The following NXPE2 variants were observed in gnomAD, a reference collection of about 807,000 sequenced individuals.
The protein encoded by NXPE2 is neurexophilin and PC-esterase domain family member 2.
A neutral mutation model predicts 34.4 loss-of-function variants in NXPE2; 34 were observed. The observed-to-expected ratio is 0.99, with a 90% CI of 0.75 to 1.31. The LOEUF (loss-of-function observed/expected upper bound fraction) is 1.31. Among genes scored for constraint, NXPE2 ranks in the 40% most tolerant of loss-of-function variants. The pLI, the probability that NXPE2 is intolerant of heterozygous loss-of-function variation, is 0.00. For missense variants in NXPE2, 649 were observed against 672.5 expected, an observed-to-expected ratio of 0.97 and a Z score of 0.39; for synonymous variants, 235 against 231.3, an observed-to-expected ratio of 1.02 and a Z score of -0.15.
chr11:114,711,786 A>G (rs530162578), downstream of NXPE2, among the ~76,000 whole-genome samples: 1 of 152,306 alleles, frequency 6.6e-6, no homozygotes, highest in African/African-American at 2.4e-5. Flanking sequence ...GATGTTGAGT[A>G]GCCTAAATAA....
At chr11:114,697,308 C>T (rs1238983557) in intron 2 of NXPE2, among the ~76,000 whole-genome samples, 2 of 152,048 alleles carry the variant, frequency 1.3e-5, no homozygotes, top group African/African-American at 4.8e-5. Flanking sequence ...AAAATGGAGG[C>T]AGAGATTGAA....
chr11:114,708,034 T>C (rs918146442), downstream of NXPE2, among the ~76,000 whole-genome samples: 1 of 152,232 alleles, frequency 6.6e-6, no homozygotes, highest in African/African-American at 2.4e-5. Flanking sequence ...TCTCCAGTGC[T>C]GAGCATGATG....
chr11:114,482,016 A>G, the NXPE2 span, among the ~76,000 whole-genome samples: 1 of 148,676 alleles, frequency 6.7e-6, no homozygotes, highest in Non-Finnish European at 1.5e-5. Flanking sequence ...AAATTGAGAG[A>G]GGCTTTAATC....
the NXPE2 span, among the ~76,000 whole-genome samples, chr11:114,744,822 C>T: frequency 1.3e-5 from 2 of 152,066 alleles, no homozygotes; most frequent in African/African-American, 2.4e-5. Context: ...GAAAGAAAAA[C>T]AAATCTCACA....
At chr11:114,747,430 A>C in the NXPE2 span, among the ~76,000 whole-genome samples, 1 of 152,230 alleles carries the variant, frequency 6.6e-6, no homozygotes, top group African/African-American at 2.4e-5. Flanking sequence ...CATAACTCAC[A>C]TATGCATTAC....
At chr11:114,737,601 A>C in the NXPE2 span, among the ~76,000 whole-genome samples, 3 of 152,118 alleles carry the variant, frequency 2.0e-5, no homozygotes, top group East Asian at 5.8e-4. Flanking sequence ...TATTATCCTC[A>C]TTTTGTGGAT....
At chr11:114,761,529 C>T in the NXPE2 span, among the ~76,000 whole-genome samples, 1 of 150,642 alleles carries the variant, frequency 6.6e-6, no homozygotes, top group Non-Finnish European at 1.5e-5. Flanking sequence ...ATGTCTTCAT[C>T]CTTGCCCTTT....
chr11:114,604,168 G>T, the NXPE2 span, among the ~76,000 whole-genome samples: 1 of 151,922 alleles, frequency 6.6e-6, no homozygotes, highest in Non-Finnish European at 1.5e-5. Context: ...GTATTGCCTC[G>T]CAGTTAACTA....
chr11:114,570,499 T>C, the NXPE2 span: 1 of 155,432 alleles, frequency 6.4e-6, no homozygotes, highest in Non-Finnish European at 1.4e-5. Flanking sequence ...ATTCTCTCTA[T>C]GACTATGGGA....
At chr11:114,475,809 A>G in the NXPE2 span, among the ~76,000 whole-genome samples, 10 of 152,198 alleles carry the variant, frequency 6.6e-5, no homozygotes, top group Admixed American at 2.0e-4. Flanking sequence ...CCCACTTTCA[A>G]TTATCCAGTT....
chr11:114,638,985 C>T, the NXPE2 span, among the ~76,000 whole-genome samples: 1 of 152,088 alleles, frequency 6.6e-6, no homozygotes, highest in Non-Finnish European at 1.5e-5. Context: ...AGAACCACTG[C>T]TCTCTTCAAA....
the NXPE2 span, chr11:114,583,452 A>G: frequency 9.0e-6 from 6 of 667,478 alleles, no homozygotes; most frequent in East Asian, 2.0e-4. Flanking sequence ...ATGACCAAGT[A>G]CCACAGTGAT....
the NXPE2 span, among the ~76,000 whole-genome samples, chr11:114,735,835 A>C: frequency 6.6e-6 from 1 of 152,210 alleles, no homozygotes; most frequent in African/African-American, 2.4e-5. Flanking sequence ...GTGCCTTATC[A>C]GGAGAAATTC....
the NXPE2 span, among the ~76,000 whole-genome samples, chr11:114,532,916 T>A: frequency 6.6e-6 from 1 of 152,200 alleles, no homozygotes; most frequent in African/African-American, 2.4e-5. Flanking sequence ...GTTCTCAGAC[T>A]TATCTGATTG....
At chr11:114,531,387 C>T in the NXPE2 span, among the ~76,000 whole-genome samples, 2 of 152,152 alleles carry the variant, frequency 1.3e-5, no homozygotes, top group Non-Finnish European at 2.9e-5. Flanking sequence ...GTTCAAGCCA[C>T]CGTCATTTAT....
chr11:114,792,235 C>A, the NXPE2 span, among the ~76,000 whole-genome samples: 1 of 152,060 alleles, frequency 6.6e-6, no homozygotes, highest in Non-Finnish European at 1.5e-5. Context: ...TGTCATTCAG[C>A]CCTTGGTGAA....
intron 2 of NXPE2, 125 bp downstream of exon 2, chr11:114,679,887 G>T (rs1394220425): frequency 5.0e-6 from 3 of 600,288 alleles, no homozygotes; most frequent in Non-Finnish European, 8.9e-6. Context: ...TGTGGATCAG[G>T]GGTTCACTGT....
chr11:114,623,994 C>G, the NXPE2 span, among the ~76,000 whole-genome samples: 4 of 152,108 alleles, frequency 2.6e-5, no homozygotes, highest in South Asian at 8.3e-4. Flanking sequence ...TGGGTAACCA[C>G]TGTTACCCGG....
the NXPE2 span, among the ~76,000 whole-genome samples, chr11:114,557,482 A>G: frequency 3.3e-5 from 5 of 151,520 alleles, no homozygotes; most frequent in African/African-American, 1.2e-4. Context: ...TTAGAGATGG[A>G]AAAGAAATAT....
Sources: allele counts gnomAD v4.1 joint callset (sites outside exome capture counted in the v4.1 genomes callset), GRCh38; gene constraint gnomAD v4.1.1; transcripts MANE v1.5; gene names NCBI Gene and HGNC (gene_info 2026-07-23, HGNC 2026-07-21).